FAM221A: variants seen among roughly 807,000 people sequenced by gnomAD.
FAM221A encodes family with sequence similarity 221 member A.
Under a neutral mutation model 37.6 loss-of-function variants are expected in FAM221A, and 43 were observed. The ratio of observed to expected loss-of-function variants is 1.15; its 90% confidence interval spans 0.90 to 1.48. FAM221A has a LOEUF of 1.48. Among genes scored for constraint, FAM221A ranks in the 40% most tolerant of loss-of-function variants. The pLI, the probability that FAM221A is intolerant of heterozygous loss-of-function variation, is 0.00. For missense variants in FAM221A, 361 were observed against 361.5 expected, an observed-to-expected ratio of 1.00 and a Z score of 0.01; for synonymous variants, 135 against 132.9, an observed-to-expected ratio of 1.02 and a Z score of -0.11.
intron 4 of FAM221A, chr7:23,694,450 C>T (rs1183068287): frequency 6.6e-6 from 1 of 152,068 alleles, no homozygotes; most frequent in East Asian, 1.9e-4. Context: ...AATTCTTCTG[C>T]AGTTTTATGG....
intron 4 of FAM221A, chr7:23,692,232 TC>T: frequency 1.1e-6 from 1 of 945,312 alleles, no homozygotes; most frequent in Non-Finnish European, 1.3e-6. Context: ...CAGAATGTGT[TC>T]CCTGTCTACT....
At chr7:23,698,510 GTCGAGGAT>G (rs1460481788) in intron 5 of FAM221A, among the ~76,000 whole-genome samples, 1 of 152,178 alleles carries the variant, frequency 6.6e-6, no homozygotes, top group Non-Finnish European at 1.5e-5. Context: ...CTCCGAGAAT[GTCGAGGAT>G]TCTGATACTA....
intron 2 of FAM221A, among the ~76,000 whole-genome samples, 194 bp downstream of exon 2, chr7:23,684,866 G>C (rs1784273656): frequency 6.6e-6 from 1 of 152,090 alleles, no homozygotes; most frequent in African/African-American, 2.4e-5. Context: ...CCGGAGGACT[G>C]CTTGAGCCCA....
At chr7:23,699,535 C>CTTTTTTTTTTTTTTT (rs57930152) in intron 5 of FAM221A, among the ~76,000 whole-genome samples, 1 of 64,162 alleles carries the variant, frequency 1.6e-5, no homozygotes, top group African/African-American at 6.5e-5. Flanking sequence ...TCACCTTTTC[C>CTTTTTTTTTTTTTTT]TTTTTTTTTT....
Position 23,689,384 on chromosome 7 carries a change from A to T in FAM221A, c.355A>T (p.Ser119Cys). 6.2e-7 allele frequency: 1 copy of T among 1,607,952 alleles called. No individual in the cohort carries two copies. The highest frequency in any genetic ancestry group is 1.7e-5 in the Admixed American group (1 of 59,980). The change falls in exon 3 of 7, where the codon AGC (serine) becomes TGC (cysteine). Residue 119 changes from serine (S) to cysteine (C), a missense_variant. By Grantham distance (112) the Ser-to-Cys change is moderately radical (BLOSUM62 -1). Transcript: ENST00000344962. Reference protein sequence around the residue: ...RAYLYVPLNGSQPIRCRCKHF... With the variant: ...RAYLYVPLNGCQPIRCRCKHF... ...TTACCTTTATGTCCCCTTGAATGGT[A>T]GCCAGCCCATTCGCTGCAGGTGCAA... is the stretch of plus-strand genomic sequence containing the variant.
At position 23,702,118 on chromosome 7, in the gene FAM221A, A is replaced by G. The variant is rs1295491275; in HGVS notation, c.851A>G (p.Lys284Arg). Reference protein sequence around the residue: ...QERMKMEKAAKWKGKAPLPSA... With the variant: ...QERMKMEKAARWKGKAPLPSA... The stretch of plus-strand genomic sequence containing the variant: ...CAGATGAAAATGGAAAAGGCTGCTA[A>G]GTGGAAAGGAAAAGCTCCATTGCCA... The change falls in exon 7 of 7, where the codon AAG (lysine) becomes AGG (arginine). Residue 284 changes from lysine to arginine, a missense_variant. Transcript: ENST00000344962. 8 of 1,601,530 alleles carry G rather than the reference A, an allele frequency of 5.0e-6. No individual in the cohort carries two copies. The highest frequency in any genetic ancestry group is 6.8e-6 in the Non-Finnish European group (8 of 1,173,520).
At chr7:23,685,413 A>G (rs780256754) in intron 2 of FAM221A, among the ~76,000 whole-genome samples, 2 of 152,212 alleles carry the variant, frequency 1.3e-5, no homozygotes, top group Non-Finnish European at 2.9e-5. Context: ...TTCTCTTGCC[A>G]TTGGTAAAAA....
chr7:23,689,566 G>C (rs1784587513), intron 3 of FAM221A, 107 bp downstream of exon 3: 4 of 771,064 alleles, frequency 5.2e-6, no homozygotes, highest in African/African-American at 1.7e-5. Flanking sequence ...AGTTGTATTA[G>C]TTGTAGAGTT....
chr7:23,684,455 A>C (rs1221754775), intron 1 of FAM221A, 44 bp from the exon 2 acceptor site: 3 of 1,464,862 alleles, frequency 2.0e-6, no homozygotes, highest in African/African-American at 1.4e-5. Context: ...TCACCCAGAA[A>C]ATAAATACTC....
intron 2 of FAM221A, chr7:23,688,201 CGCTCG>C: frequency 6.6e-6 from 1 of 152,104 alleles, no homozygotes; most frequent in Non-Finnish European, 1.5e-5. Flanking sequence ...CCCACCACCA[CGCTCG>C]GCTAATTTTT....
rs1247086911 is a variant in FAM221A at position 23,691,242 on chromosome 7, C to T, written c.431-148C>T. On this transcript the variant is annotated intron_variant, in intron 3 of 6. Coordinates refer to ENST00000344962, the MANE Select transcript of FAM221A (RefSeq NM_199136.5). ...CTTCGGCATGTTTTAGAAGTAAGAA[C>T]AGTGGCTAGGAAGGAGTTCGGTGGC... The T allele has an allele frequency of 2.4e-5, 15 of 622,264 alleles. No individual in the cohort carries two copies. The East Asian group carries it at 4.2e-4, about 17-fold the overall frequency. The allele number at this position is 622,264 out of a possible 1,614,324, so 38.5% of individuals were successfully genotyped here.
Position 23,684,626 on chromosome 7 carries a change from G to C in FAM221A, c.193G>C (p.Asp65His), listed in dbSNP as rs773327664. The change falls in exon 2 of 7, where the codon GAT (aspartate) becomes CAT (histidine). Residue 65 changes from aspartate (D) to histidine (H), a missense_variant. Coordinates refer to ENST00000344962, the MANE Select transcript of FAM221A (RefSeq NM_199136.5). The part of the protein sequence containing the change: ...FVSWRSPTGM[D>H]CKLVGPETLC... ...GAGCTGGCGGTCACCAACAGGGATG[G>C]ATTGTAAACTTGTGGGCCCAGAGAC... 18 of 1,613,952 alleles carry C rather than the reference G, an allele frequency of 1.1e-5. No individual in the cohort carries two copies. The highest frequency in any genetic ancestry group is 1.4e-5 in the Non-Finnish European group (17 of 1,179,986).
intron 4 of FAM221A, 150 bp downstream of exon 4, chr7:23,691,746 A>G: frequency 1.4e-6 from 1 of 734,974 alleles, no homozygotes; most frequent in South Asian, 2.2e-5. Context: ...AGAGGTTTTT[A>G]AAATTTTTAT....
intron 5 of FAM221A, among the ~76,000 whole-genome samples, chr7:23,699,938 G>A (rs889566098): frequency 1.3e-5 from 2 of 152,180 alleles, no homozygotes; most frequent in African/African-American, 2.4e-5. Flanking sequence ...TCTGGAAGAG[G>A]CTGGGCTCAA....
At chr7:23,684,395 A>C in intron 1 of FAM221A, 104 bp from the exon 2 acceptor site, 1 of 922,586 alleles carries the variant, frequency 1.1e-6, no homozygotes, top group Non-Finnish European at 1.6e-6. Flanking sequence ...CAGATTTACA[A>C]AATAAAAGCT....
intron 4 of FAM221A, among the ~76,000 whole-genome samples, chr7:23,696,198 C>T (rs1335844745): frequency 6.6e-6 from 1 of 152,080 alleles, no homozygotes; most frequent in Non-Finnish European, 1.5e-5. Flanking sequence ...AATTGTAACA[C>T]AATAGTGAGC....
At chr7:23,700,748 G>C (rs1785370970) in intron 5 of FAM221A, 38 bp from the exon 6 acceptor site, 3 of 1,277,466 alleles carry the variant, frequency 2.3e-6, no homozygotes, top group Non-Finnish European at 3.3e-6. Context: ...AATATGTAAT[G>C]ATATAAATAC....
intron 2 of FAM221A, among the ~76,000 whole-genome samples, chr7:23,685,287 CAAAA>C (rs1784304185): frequency 6.6e-6 from 1 of 151,632 alleles, no homozygotes; most frequent in East Asian, 1.9e-4. Context: ...CAAAACAAAA[CAAAA>C]CAAAACAAAA....
intron 4 of FAM221A, among the ~76,000 whole-genome samples, chr7:23,697,375 C>T (rs1032827951): frequency 2.0e-5 from 3 of 152,238 alleles, no homozygotes; most frequent in African/African-American, 7.2e-5. Flanking sequence ...AGAGCAGCTA[C>T]ACATTTTCTC....
Sources: gnomAD v4.1 joint callset for allele counts (sites outside exome capture counted in the v4.1 genomes callset) on GRCh38, gnomAD v4.1.1 for gene constraint, MANE v1.5 for transcripts, NCBI Gene and HGNC (gene_info 2026-07-23, HGNC 2026-07-21) for gene names.